Variants in SPTBN1 observed in about 807,000 individuals in gnomAD.
SPTBN1 encodes spectrin beta chain, non-erythrocytic 1.
In SPTBN1, 32 loss-of-function variants were observed where a neutral mutation model predicts 266.4. That is an observed-to-expected ratio of 0.12 (90% confidence interval 0.09 to 0.16). SPTBN1 has a LOEUF of 0.16. SPTBN1 is among the 10% of genes least tolerant of loss of function. The pLI is 1.00. For synonymous variants in SPTBN1, 1,336 were observed against 1,162.2 expected (o/e 1.15, Z -3.04); for missense variants, 2,296 against 3,067.1 (o/e 0.75, Z 5.94).
intron 26 of SPTBN1, among the ~76,000 whole-genome samples, chr2:54,650,953 C>G (rs947384040): frequency 6.6e-6 from 1 of 152,210 alleles, no homozygotes; most frequent in South Asian, 2.1e-4. Context: ...GTTGTTCTCT[C>G]TCACTTCCCC....
At chr2:54,616,567 C>G (rs1043036805) in intron 5 of SPTBN1, among the ~76,000 whole-genome samples, 1 of 152,032 alleles carries the variant, frequency 6.6e-6, no homozygotes, top group Non-Finnish European at 1.5e-5. Flanking sequence ...ATTTGAAAAC[C>G]CTGGAAGCAT....
At chr2:54,569,230 C>T (rs1417065089) in intron 2 of SPTBN1, among the ~76,000 whole-genome samples, 6 of 152,210 alleles carry the variant, frequency 3.9e-5, no homozygotes, top group South Asian at 2.1e-4. Context: ...ACTCCAGAAC[C>T]GTCCTGATGG....
chr2:54,525,116 A>G (rs956346495), intron 1 of SPTBN1, among the ~76,000 whole-genome samples: 1 of 152,168 alleles, frequency 6.6e-6, no homozygotes, highest in Non-Finnish European at 1.5e-5. Context: ...TTTTGGTTCA[A>G]TGAGTGAATA....
At chr2:54,666,939 G>A (rs1459729176) in intron 34 of SPTBN1, among the ~76,000 whole-genome samples, 4 of 152,150 alleles carry the variant, frequency 2.6e-5, no homozygotes, top group Non-Finnish European at 4.4e-5. Flanking sequence ...ACAATGCACC[G>A]GCAGCCTGGC....
chr2:54,662,054 T>C (rs748434963), intron 32 of SPTBN1: 131 of 985,372 alleles, frequency 1.3e-4, no homozygotes, highest in Non-Finnish European at 1.5e-4. Context: ...AGGTGTTTTC[T>C]GTGCTACTAG....
chr2:54,557,020 T>TA (rs1303801228), intron 2 of SPTBN1, among the ~76,000 whole-genome samples: 3 of 152,192 alleles, frequency 2.0e-5, no homozygotes, highest in Non-Finnish European at 4.4e-5. Flanking sequence ...TTAGGGGCTT[T>TA]AAAAAATGTT....
At chr2:54,603,310 C>G (rs1489277104) in intron 3 of SPTBN1, among the ~76,000 whole-genome samples, 6 of 152,256 alleles carry the variant, frequency 3.9e-5, no homozygotes, top group Middle Eastern at 3.4e-3. Flanking sequence ...GGGCAAGTTT[C>G]CCAGCCAAAC....
intron 2 of SPTBN1, among the ~76,000 whole-genome samples, chr2:54,534,058 C>G (rs1573360575): frequency 6.6e-6 from 1 of 152,196 alleles, no homozygotes; most frequent in African/African-American, 2.4e-5. Context: ...TTTTCCACTG[C>G]AGCAAAATTG....
chr2:54,493,897 C>T (rs989092157), intron 1 of SPTBN1, among the ~76,000 whole-genome samples: 1 of 152,226 alleles, frequency 6.6e-6, no homozygotes, highest in African/African-American at 2.4e-5. Flanking sequence ...TCAAAGACAA[C>T]AGAAGTTAAT....
intron 1 of SPTBN1, chr2:54,457,304 T>A (rs542949300): frequency 5.9e-5 from 9 of 152,052 alleles, no homozygotes; most frequent in Non-Finnish European, 1.3e-4. Context: ...CGGGCCTGCT[T>A]TGGGTAGGTG....
chr2:54,601,722 G>A (rs1052743805), intron 3 of SPTBN1, among the ~76,000 whole-genome samples: 2 of 152,206 alleles, frequency 1.3e-5, no homozygotes, highest in African/African-American at 4.8e-5. Context: ...GCAATAGCTA[G>A]CAGATAAATG....
intron 2 of SPTBN1, among the ~76,000 whole-genome samples, chr2:54,530,579 G>A (rs757035835): frequency 3.3e-5 from 5 of 151,804 alleles, no homozygotes; most frequent in Admixed American, 6.6e-5. Context: ...GGACGGTCTC[G>A]ATCTCCTGAC....
chr2:54,489,164 A>ACC (rs1668561471), intron 1 of SPTBN1, among the ~76,000 whole-genome samples: 1 of 147,878 alleles, frequency 6.8e-6, no homozygotes, highest in African/African-American at 2.5e-5. Context: ...AAAAAAAAAA[A>ACC]AAAAAAAAAA....
Position 54,664,235 on chromosome 2 carries a change from C to T in SPTBN1, c.6421-218C>T, listed in dbSNP as rs1572783730. Reference sequence around the variant, plus strand: ...CAGTAAAACTCATACTGGCATTTCGCTTTTCTCATTTCCCTGTAAATGGGC... The same window carrying T: ...CAGTAAAACTCATACTGGCATTTCGTTTTTCTCATTTCCCTGTAAATGGGC... On this transcript the variant is annotated intron_variant, in intron 32 of 35. Transcript: ENST00000356805. The surrounding 1 kb of genome is among the most constrained non-coding windows in gnomAD (Gnocchi z 5.6). 1 of 545,862 alleles carries T rather than the reference C, an allele frequency of 1.8e-6. No individual in the cohort carries two copies. Among genetic ancestry groups the T allele is most frequent in the Non-Finnish European group, 3.2e-6 (1 of 307,698 alleles). 33.8% of individuals were successfully genotyped at this position (545,862 alleles called of 1,614,324 possible).
At chr2:54,588,112 T>C (rs1302382359) in intron 2 of SPTBN1, among the ~76,000 whole-genome samples, 1 of 152,188 alleles carries the variant, frequency 6.6e-6, no homozygotes, top group African/African-American at 2.4e-5. Flanking sequence ...GCCAAACTTT[T>C]TCTATAAAGG....
chr2:54,599,490 G>A (rs1676332600), intron 3 of SPTBN1, among the ~76,000 whole-genome samples: 1 of 152,200 alleles, frequency 6.6e-6, no homozygotes, highest in African/African-American at 2.4e-5. Flanking sequence ...TGGTCAGAAA[G>A]AACTTGGCTG....
At chr2:54,666,445 G>A (rs908829411) in intron 34 of SPTBN1, among the ~76,000 whole-genome samples, 2 of 152,150 alleles carry the variant, frequency 1.3e-5, no homozygotes, top group African/African-American at 4.8e-5. Context: ...AGCTTATCCC[G>A]ACCCAGGAGA....
intron 2 of SPTBN1, among the ~76,000 whole-genome samples, chr2:54,536,979 G>C (rs1671646681): frequency 6.6e-6 from 1 of 152,240 alleles, no homozygotes; most frequent in Non-Finnish European, 1.5e-5. Flanking sequence ...GCTACAGTGA[G>C]CCGTGATTGT....
At chr2:54,529,852 CAAAAAAAAAAAA>C (rs61316795) in intron 2 of SPTBN1, 65 of 62,132 alleles carry the variant, frequency 1.0e-3, no homozygotes, top group African/African-American at 1.8e-3. Context: ...CTCTTTTCAC[CAAAAAAAAAAAA>C]AAAAAAAAAA....
Sources: gnomAD v4.1 joint callset for allele counts (sites outside exome capture counted in the v4.1 genomes callset) on GRCh38, gnomAD v4.1.1 for gene constraint, Gnocchi (gnomAD v3.1) non-coding constraint, MANE v1.5 for transcripts, NCBI Gene and HGNC (gene_info 2026-07-23, HGNC 2026-07-21) for gene names.